GSTCD: variants seen among roughly 807,000 people sequenced by gnomAD.
The protein encoded by GSTCD is glutathione S-transferase C-terminal domain-containing protein.
A neutral mutation model predicts 68.3 loss-of-function variants in GSTCD; 44 were observed. The observed-to-expected ratio is 0.64, with a 90% CI of 0.51 to 0.83. GSTCD has a LOEUF of 0.83. GSTCD is among the 40% of genes least tolerant of loss of function. The pLI, the probability that GSTCD is intolerant of heterozygous loss-of-function variation, is 0.00. For missense variants in GSTCD, 739 were observed against 735.9 expected (o/e 1.00, Z -0.05); for synonymous variants, 273 against 255.2 (o/e 1.07, Z -0.67).
At chr4:105,765,078 A>C (rs575044688) in intron 5 of GSTCD, among the ~76,000 whole-genome samples, 68 of 152,304 alleles carry the variant, frequency 4.5e-4, no homozygotes, top group African/African-American at 1.6e-3. Flanking sequence ...GTACTGTATA[A>C]CAGAAAAAAG....
chr4:105,821,809 G>A (rs374870703), intron 5 of GSTCD, among the ~76,000 whole-genome samples: 1 of 151,862 alleles, frequency 6.6e-6, no homozygotes, highest in Non-Finnish European at 1.5e-5. Context: ...ATAATTGAAA[G>A]TAACCATACA....
At chr4:105,764,667 C>T (rs1293844115) in intron 5 of GSTCD, among the ~76,000 whole-genome samples, 2 of 152,132 alleles carry the variant, frequency 1.3e-5, no homozygotes, top group African/African-American at 4.8e-5. Context: ...AATTAAGGCC[C>T]CACACTTATG....
At chr4:105,778,787 C>T (rs1358804880) in intron 5 of GSTCD, among the ~76,000 whole-genome samples, 1 of 151,972 alleles carries the variant, frequency 6.6e-6, no homozygotes, top group Non-Finnish European at 1.5e-5. Context: ...TTTTAATATA[C>T]TTTCCAGACA....
rs367821660 is a variant in GSTCD, at chr4:105,819,768, G to C, written c.1241-3186G>C. Among the ~76,000 whole-genome samples the C allele has an allele frequency of 2.0e-5, 3 of 151,518 alleles. No individual in the cohort carries two copies. In the South Asian group the frequency reaches 6.2e-4, roughly 31 times the overall value. Reference sequence around the variant, plus strand: ...GTCTTATACCTTCTTTAAAAGAGTGGTGTATACAACATTGATCTCTGTTGA... The same window carrying C: ...GTCTTATACCTTCTTTAAAAGAGTGCTGTATACAACATTGATCTCTGTTGA... On this transcript the variant is annotated intron_variant, in intron 5 of 11. Coordinates refer to ENST00000515279, the MANE Select transcript of GSTCD (RefSeq NM_001370181.1).
rs1724527717 is a variant in GSTCD at position 105,845,853 on chromosome 4, C to A, written c.*276C>A. The A allele has an allele frequency of 2.8e-6, 1 of 357,690 alleles. No individual in the cohort carries two copies. Among genetic ancestry groups the A allele is most frequent in the South Asian group, 5.0e-5 (1 of 19,804 alleles). 22.2% of individuals were successfully genotyped at this position (357,690 alleles called of 1,614,324 possible). On this transcript the variant is annotated 3_prime_UTR_variant, in exon 12 of 12. Coordinates refer to ENST00000515279, the MANE Select transcript of GSTCD (RefSeq NM_001370181.1). ...AATAATACTAGTGGAGGTTCCATCA[C>A]AGGAATAACAATTTCCTTCTCACTT...
At chr4:105,746,880 T>G (rs1019739927) in intron 5 of GSTCD, among the ~76,000 whole-genome samples, 2 of 152,170 alleles carry the variant, frequency 1.3e-5, no homozygotes, top group African/African-American at 4.8e-5. Context: ...AAAATTGGCT[T>G]CAATAAAAAG....
chr4:105,743,931 T>G (rs1733721819), intron 5 of GSTCD, among the ~76,000 whole-genome samples: 1 of 152,188 alleles, frequency 6.6e-6, no homozygotes, highest in Non-Finnish European at 1.5e-5. Flanking sequence ...AGTGTTGGGA[T>G]TACAGGCGTG....
intron 8 of GSTCD, among the ~76,000 whole-genome samples, chr4:105,831,014 A>G (rs1284373411): frequency 6.6e-6 from 1 of 152,242 alleles, no homozygotes; most frequent in African/African-American, 2.4e-5. Flanking sequence ...AAGTAAACCA[A>G]TGAGTTGAAC....
intron 8 of GSTCD, among the ~76,000 whole-genome samples, chr4:105,828,454 G>A (rs768579278): frequency 1.9e-4 from 29 of 152,052 alleles, no homozygotes; most frequent in Non-Finnish European, 3.4e-4. Flanking sequence ...AATCATTAAG[G>A]CAAAATAGGG....
At chr4:105,817,888 A>G (rs968111662) in intron 5 of GSTCD, among the ~76,000 whole-genome samples, 3 of 151,920 alleles carry the variant, frequency 2.0e-5, no homozygotes, top group Non-Finnish European at 4.4e-5. Flanking sequence ...TGACAAATGC[A>G]TGCATAGCAT....
At chr4:105,767,155 C>G (rs1285361285) in intron 5 of GSTCD, among the ~76,000 whole-genome samples, 1 of 152,058 alleles carries the variant, frequency 6.6e-6, no homozygotes. Context: ...GGAACAGAAA[C>G]AGCTAGATTG....
In GSTCD at chr4:105,785,441, C is replaced by T. The variant is rs150001934; in HGVS notation, c.1241-37513C>T. 1.3e-3 allele frequency among the ~76,000 whole-genome samples: 191 copies of T among 152,160 alleles called. 3 individuals are homozygous for T. The highest frequency in any genetic ancestry group is 5.2e-3 in the East Asian group (27 of 5,172). The stretch of plus-strand genomic sequence containing the variant: ...CCAAAAGTCAATTAAAATAATACAT[C>T]ATATCAATAGTATACAGGGCAACAA... On this transcript the variant is annotated intron_variant, in intron 5 of 11. Transcript: ENST00000515279.
At chr4:105,715,843 G>A (rs528472312) in intron 1 of GSTCD, among the ~76,000 whole-genome samples, 2 of 151,956 alleles carry the variant, frequency 1.3e-5, no homozygotes, top group African/African-American at 4.8e-5. Flanking sequence ...TTTCTGGTAC[G>A]TATTTCCATG....
rs376675761 is a variant in GSTCD, at chr4:105,782,352, G to A, written c.1241-40602G>A. Among the ~76,000 whole-genome samples the A allele has an allele frequency of 2.6e-5, 4 of 152,046 alleles. No individual in the cohort carries two copies. The East Asian group carries it at 7.7e-4, about 29-fold the overall frequency. On this transcript the variant is annotated intron_variant, in intron 5 of 11. Transcript: ENST00000515279. Reference sequence around the variant, plus strand: ...ATTTCTACAAAAAATTTAAAAATTAGCCAAGCATGGTGTGCGCACCTCCCA... The same window carrying A: ...ATTTCTACAAAAAATTTAAAAATTAACCAAGCATGGTGTGCGCACCTCCCA...
intron 3 of GSTCD, among the ~76,000 whole-genome samples, chr4:105,723,115 A>C (rs1397547406): frequency 1.3e-5 from 2 of 151,996 alleles, no homozygotes; most frequent in Non-Finnish European, 2.9e-5. Flanking sequence ...ACAAATAAAA[A>C]TAAGTCACTA....
rs758216156 is a variant in GSTCD, at chr4:105,726,749, C to T, written c.1065C>T (p.Asn355=). ...CAACCTCAACTGAACAGCATCCAAA[C>T]TTATGTGAAGTCCCAGGTGTAGAAG... ...LLTTSTEQHP[N]LCEVPGVEEQ... is the part of the protein sequence containing the mutation. Residue 355 remains asparagine (N), a synonymous_variant, in exon 4 of 12, where the codon AAC becomes AAT. Transcript: ENST00000515279. 32 of 1,613,752 alleles carry T rather than the reference C, an allele frequency of 2.0e-5. 1 individual carries two copies. In the South Asian group the frequency reaches 3.4e-4, roughly 17 times the overall value.
intron 5 of GSTCD, among the ~76,000 whole-genome samples, chr4:105,793,968 T>C (rs1464736700): frequency 2.0e-5 from 3 of 152,060 alleles, no homozygotes; most frequent in African/African-American, 7.3e-5. Flanking sequence ...TTTGAGAACA[T>C]ATGTTATATT....
At chr4:105,787,427 A>T (rs928049173) in intron 5 of GSTCD, among the ~76,000 whole-genome samples, 11 of 152,054 alleles carry the variant, frequency 7.2e-5, no homozygotes, top group Admixed American at 2.0e-4. Flanking sequence ...TTAAGGCCCC[A>T]CCTCTAGAAA....
chr4:105,815,505 T>A (rs1040813576), intron 5 of GSTCD, among the ~76,000 whole-genome samples: 2 of 152,120 alleles, frequency 1.3e-5, no homozygotes, highest in Non-Finnish European at 2.9e-5. Flanking sequence ...AAATAAAATA[T>A]ATGACAAAAA....
Sources: allele counts gnomAD v4.1 joint callset (sites outside exome capture counted in the v4.1 genomes callset), GRCh38; gene constraint gnomAD v4.1.1; transcripts MANE v1.5; gene names NCBI Gene and HGNC (gene_info 2026-07-23, HGNC 2026-07-21).